The following TRHDE variants were observed in gnomAD, a reference collection of about 807,000 sequenced individuals.
The protein encoded by TRHDE is thyrotropin releasing hormone degrading enzyme.
In TRHDE, 72 loss-of-function variants were observed where a neutral mutation model predicts 125.7. That is an observed-to-expected ratio of 0.57 (90% confidence interval 0.47 to 0.70). TRHDE has a LOEUF of 0.70. Among genes scored for constraint, TRHDE ranks in the 30% least tolerant of loss-of-function variants. The pLI, the probability that TRHDE is intolerant of heterozygous loss-of-function variation, is 0.00. For synonymous variants in TRHDE, 509 were observed against 509.1 expected (o/e 1.00, Z 0.00); for missense variants, 1,110 against 1,327.1 (o/e 0.84, Z 2.54).
chr12:72,280,578 G>A (rs1879660624), intron 1 of TRHDE, among the ~76,000 whole-genome samples: 1 of 152,170 alleles, frequency 6.6e-6, no homozygotes, highest in African/African-American at 2.4e-5. Flanking sequence ...GGAAAAGAAA[G>A]GTTGTGGTAT....
At chr12:72,175,135 G>A (rs1300598198) in intron 2 of TRHDE, among the ~76,000 whole-genome samples, 1 of 152,158 alleles carries the variant, frequency 6.6e-6, no homozygotes, top group African/African-American at 2.4e-5. Context: ...TATGCTCAGT[G>A]ATTAGCAATT....
chr12:72,641,237 AT>A (rs1345340542), intron 15 of TRHDE, among the ~76,000 whole-genome samples: 1 of 152,210 alleles, frequency 6.6e-6, no homozygotes, highest in Non-Finnish European at 1.5e-5. Context: ...TCTGTAAGAT[AT>A]TTTAAATTTA....
chr12:72,146,789 G>A (rs8181754), intron 2 of TRHDE, among the ~76,000 whole-genome samples: 14,777 of 152,290 alleles, frequency 0.097, 1,418 homozygotes, highest in African/African-American at 0.24. Context: ...GCAGAGGGCC[G>A]GTATGACTGC....
At chr12:72,469,690 T>A (rs1475559317) in intron 3 of TRHDE, 68 bp from the exon 4 acceptor site, 20 of 1,528,698 alleles carry the variant, frequency 1.3e-5, no homozygotes, top group Non-Finnish European at 1.8e-5. Flanking sequence ...CTGGACACTT[T>A]TTAGGATATA....
chr12:72,388,041 C>T (rs1478488293), intron 3 of TRHDE, among the ~76,000 whole-genome samples: 2 of 152,076 alleles, frequency 1.3e-5, no homozygotes, highest in African/African-American at 4.8e-5. Context: ...CCCCCGGACC[C>T]TCTAATCTCA....
chr12:72,459,123 A>G (rs966238002), intron 3 of TRHDE, among the ~76,000 whole-genome samples: 2 of 152,128 alleles, frequency 1.3e-5, no homozygotes, highest in African/African-American at 2.4e-5. Context: ...GTCCCCTTCT[A>G]TCTTCAAAGC....
In TRHDE at chr12:72,272,703, GA is replaced by G; in HGVS notation, c.62del (p.Lys21ArgfsTer170). 1 of 858,470 alleles carries G rather than the reference GA, an allele frequency of 1.2e-6. No homozygotes were observed. Among genetic ancestry groups the G allele is most frequent in the Non-Finnish European group, 1.6e-6 (1 of 628,402 alleles). 53.2% of individuals were successfully genotyped at this position (858,470 alleles called of 1,614,324 possible). A position where few individuals can be genotyped will look rare whatever the true frequency, so the allele number is the denominator to read the frequency against. ...AGGAGAAGAAAAAGAAGAAGAAAAA[GA>G]AGAGGAAGAAGAAGAAGGAGGAGGA... ...EEEKKKKKKK[K>X]RKKKKEEEEE... On this transcript the variant is annotated frameshift_variant, in exon 1 of 19. Transcript: ENST00000261180. LOFTEE classifies it high-confidence loss of function. This position sits in a 1 kb window ranked among gnomAD's most constrained non-coding sequence, Gnocchi z 6.7.
chr12:72,558,129 G>C (rs1870008648), intron 7 of TRHDE, among the ~76,000 whole-genome samples: 2 of 152,028 alleles, frequency 1.3e-5, no homozygotes, highest in African/African-American at 4.8e-5. Flanking sequence ...AAGACTGGCA[G>C]GATCATTACT....
At position 72,231,974 on chromosome 12, in the gene TRHDE, G is replaced by GAATA. The variant is rs756284946; in HGVS notation, n.279+126225_279+126228dup. 7.5e-4 allele frequency among the ~76,000 whole-genome samples: 114 copies of GAATA among 152,278 alleles called. 2 individuals carry two copies. The highest frequency in any genetic ancestry group is 7.9e-4 in the Admixed American group (12 of 15,284). On this transcript the variant is annotated intron_variant and non_coding_transcript_variant, in intron 2 of 4. Transcript: ENST00000548156. ...AAACTACCCCTATTTCTCTGTTGAG[G>GAATA]AATAAAATGAATTTGTAAATTGTCT...
intron 2 of TRHDE, among the ~76,000 whole-genome samples, chr12:72,258,495 G>A (rs2139392398): frequency 6.6e-6 from 1 of 152,230 alleles, no homozygotes; most frequent in South Asian, 2.1e-4. Context: ...GAGCTGCACA[G>A]TGAGAGCCTA....
In TRHDE at chr12:72,297,968, T is replaced by TGGGA. The variant is rs1286250846; in HGVS notation, c.1188+11015_1188+11018dup. 2.0e-5 allele frequency among the ~76,000 whole-genome samples: 3 copies of TGGGA among 152,206 alleles called. No individual in the cohort carries two copies. In the East Asian group the frequency reaches 5.8e-4, roughly 29 times the overall value. On this transcript the variant is annotated intron_variant, in intron 2 of 18. Transcript: ENST00000261180. ...AACCATTGAGCCCCAAGGTTTCCAT[T>TGGGA]GGGATATTGATATAATGGAGTAAGC...
chr12:72,321,062 C>T (rs763149003), intron 2 of TRHDE, among the ~76,000 whole-genome samples: 1 of 152,068 alleles, frequency 6.6e-6, no homozygotes, highest in African/African-American at 2.4e-5. Context: ...ATCATCAACT[C>T]GAATGACAAT....
chr12:72,488,034 G>A lies in TRHDE; in HGVS notation c.1585-11464G>A, dbSNP rs950457550. Among the ~76,000 whole-genome samples the A allele has an allele frequency of 1.3e-4, 19 of 151,868 alleles. No homozygotes were observed. The East Asian group carries it at 3.7e-3, about 29-fold the overall frequency. ...TCAACAGATACACAAGCAATAATTAGGAAGGAATCAAAGCTCAGAATTACA... is the reference window on the plus strand; with the variant it reads ...TCAACAGATACACAAGCAATAATTAAGAAGGAATCAAAGCTCAGAATTACA... On this transcript the variant is annotated intron_variant, in intron 5 of 18. Coordinates refer to ENST00000261180, the MANE Select transcript of TRHDE (RefSeq NM_013381.3).
chr12:72,251,088 A>AAATTGACATTGTGACAATGTC (rs1214291470), intron 2 of TRHDE, among the ~76,000 whole-genome samples: 62 of 152,028 alleles, frequency 4.1e-4, no homozygotes, highest in African/African-American at 1.5e-3. Context: ...ATAATATCAC[A>AAATTGACATTGTGACAATGTC]AATGGAAAAT....
At chr12:72,651,904 C>T (rs1229508073) in intron 15 of TRHDE, among the ~76,000 whole-genome samples, 1 of 151,848 alleles carries the variant, frequency 6.6e-6, no homozygotes, top group Non-Finnish European at 1.5e-5. Context: ...GAAAATGTTT[C>T]CGTTCTATCC....
intron 2 of TRHDE, among the ~76,000 whole-genome samples, chr12:72,343,506 T>TA (rs1420324410): frequency 6.6e-6 from 1 of 152,142 alleles, no homozygotes; most frequent in Non-Finnish European, 1.5e-5. Context: ...GCATGATTCT[T>TA]ACTATAGTCC....
intron 2 of TRHDE, among the ~76,000 whole-genome samples, chr12:72,201,400 T>C (rs1054853716): frequency 2.6e-5 from 4 of 152,120 alleles, no homozygotes; most frequent in African/African-American, 7.2e-5. Flanking sequence ...TATTTTTGGC[T>C]AAGATTTTGA....
In TRHDE at chr12:72,273,336, A is replaced by G. The variant is rs372359181; in HGVS notation, c.693A>G (p.Arg231=). The change falls in exon 1 of 19, where the codon CGA becomes CGG. Residue 231 remains arginine, a synonymous_variant. Coordinates refer to ENST00000261180, the MANE Select transcript of TRHDE (RefSeq NM_013381.3). The surrounding 1 kb of genome is among the most constrained non-coding windows in gnomAD (Gnocchi z 5.3). ...ATRYVVLHAS[R]VAVEKVQLAE... ...GCTACGTAGTGCTGCACGCTTCCCG[A>G]GTGGCGGTGGAGAAAGTGCAGCTGG... The G allele has an allele frequency of 1.2e-6, 2 of 1,613,996 alleles. No homozygotes were observed.
intron 2 of TRHDE, among the ~76,000 whole-genome samples, chr12:72,141,055 G>T (rs1367384085): frequency 1.3e-5 from 2 of 151,888 alleles, no homozygotes; most frequent in African/African-American, 2.4e-5. Context: ...AGCAAAAAAT[G>T]ATTTTTAAAA....
Sources: allele counts gnomAD v4.1 joint callset (sites outside exome capture counted in the v4.1 genomes callset), GRCh38; gene constraint gnomAD v4.1.1; non-coding constraint Gnocchi (gnomAD v3.1); transcripts MANE v1.5; gene names NCBI Gene and HGNC (gene_info 2026-07-23, HGNC 2026-07-21).